Variants in TRPM2 observed in about 807,000 individuals in gnomAD.
The protein encoded by TRPM2 is estrogen-responsive element-associated gene 1 protein.
TRPM2 carries 161 observed loss-of-function variants against 174.0 expected under a neutral mutation model. The ratio of observed to expected loss-of-function variants is 0.93; its 90% CI spans 0.81 to 1.05. TRPM2 has a LOEUF of 1.05. Ranked by LOEUF, TRPM2 falls within the 50% of genes least tolerant of loss-of-function variation. The pLI is 0.00. For missense variants in TRPM2, 2,057 were observed against 2,038.0 expected (o/e 1.01, Z -0.18); for synonymous variants, 954 against 861.3 (o/e 1.11, Z -1.88).
At chr21:44,394,313 A>G (rs992230274) in intron 11 of TRPM2, among the ~76,000 whole-genome samples, 8 of 131,384 alleles carry the variant, frequency 6.1e-5, no homozygotes, top group Non-Finnish European at 1.3e-4. Context: ...AGAAAAACAC[A>G]TTTCTTTTTT....
Position 44,391,415 on chromosome 21 carries a change from C to T in TRPM2, c.1584C>T (p.Pro528=), listed in dbSNP as rs1275239562. The T allele has an allele frequency of 1.2e-6, 2 of 1,614,084 alleles. No individual in the cohort carries two copies. The highest frequency in any genetic ancestry group is 1.7e-6 in the Non-Finnish European group (2 of 1,180,048). Residue 528 remains proline (P), a synonymous_variant, in exon 11 of 32, where the codon CCC becomes CCT. Transcript: ENST00000397928. This position sits in a 1 kb window ranked among gnomAD's most constrained non-coding sequence, Gnocchi z 5.0. ...TCTACCTGTACGAGAACCTGGACCC[C>T]TCCTGCCTGTTCCACAGCAAGCTGC... The part of the protein sequence containing the change: ...TLLYLYENLD[P]SCLFHSKLQK...
chr21:44,419,466 G>C (rs1217626100), intron 22 of TRPM2, among the ~76,000 whole-genome samples: 2 of 139,728 alleles, frequency 1.4e-5, no homozygotes, highest in Non-Finnish European at 3.1e-5. Flanking sequence ...CTATAACCAG[G>C]GATCTGCTAA....
chr21:44,404,661 G>A (rs1235922912), intron 16 of TRPM2, among the ~76,000 whole-genome samples: 1 of 152,160 alleles, frequency 6.6e-6, no homozygotes, highest in Non-Finnish European at 1.5e-5. Context: ...CGGTGATAGT[G>A]ATGATAGTGA....
chr21:44,377,518 AG>A (rs2048741027), intron 6 of TRPM2, among the ~76,000 whole-genome samples, 193 bp from the exon 7 acceptor site: 1 of 152,236 alleles, frequency 6.6e-6, no homozygotes, highest in African/African-American at 2.4e-5. Context: ...CACTGGCAAG[AG>A]GCCTCCCAGC....
At chr21:44,431,879 T>C (rs2051036721) in intron 27 of TRPM2, among the ~76,000 whole-genome samples, 1 of 152,178 alleles carries the variant, frequency 6.6e-6, no homozygotes, top group African/African-American at 2.4e-5. Context: ...AATTGAAATG[T>C]CCTCCGTGGC....
Position 44,397,734 on chromosome 21 carries a change from C to A in TRPM2, c.1933-13C>A. On this transcript the variant is annotated splice_polypyrimidine_tract_variant and intron_variant, in intron 12 of 31. Coordinates refer to ENST00000397928, the MANE Select transcript of TRPM2 (RefSeq NM_003307.4). ...TGGCTCTTTAGTCTCACGGTGGCTC[C>A]TCTGGTCCCCAGAGCCAGGACTGCA... 1 of 1,562,588 alleles carries A rather than the reference C, an allele frequency of 6.4e-7. No homozygotes were observed. Among genetic ancestry groups the A allele is most frequent in the Non-Finnish European group, 8.7e-7 (1 of 1,153,404 alleles).
At position 44,439,271 on chromosome 21, in the gene TRPM2, C is replaced by A; in HGVS notation, c.4269+103C>A. 2 of 1,034,342 alleles carry A rather than the reference C, an allele frequency of 1.9e-6. No homozygotes were observed. Among genetic ancestry groups the A allele is most frequent in the Non-Finnish European group, 2.9e-6 (2 of 689,728 alleles). 64.1% of individuals were successfully genotyped at this position (1,034,342 alleles called of 1,614,324 possible). ...CTGCCCCAGCACCACTGGGTGGCAG[C>A]GGTCCCACCCAGCTTCACCAGGTGA... is the stretch of plus-strand genomic sequence containing the variant. On this transcript the variant is annotated intron_variant, in intron 30 of 31. Coordinates refer to ENST00000397928, the MANE Select transcript of TRPM2 (RefSeq NM_003307.4). This position sits in a 1 kb window ranked among gnomAD's most constrained non-coding sequence, Gnocchi z 5.1.
At chr21:44,397,687 G>C in intron 12 of TRPM2, 60 bp from the exon 13 acceptor site, 1 of 1,497,082 alleles carries the variant, frequency 6.7e-7, no homozygotes, top group Non-Finnish European at 8.9e-7. Context: ...AGTGTGTTGG[G>C]TTCCTCAGGC....
Position 44,399,456 on chromosome 21 carries a change from G to C in TRPM2, c.2208+15G>C, listed in dbSNP as rs369987446. 1.2e-6 allele frequency: 2 copies of C among 1,605,788 alleles called. No homozygotes were observed. Among genetic ancestry groups the C allele is most frequent in the Non-Finnish European group, 1.7e-6 (2 of 1,175,986 alleles). On this transcript the variant is annotated intron_variant, in intron 14 of 31. Coordinates refer to ENST00000397928, the MANE Select transcript of TRPM2 (RefSeq NM_003307.4). The surrounding 1 kb of genome is among the most constrained non-coding windows in gnomAD (Gnocchi z 4.6). ...GGGGCATCCAGGTGACCTCCCAAGA[G>C]CCCCTTCCAGAAACAGACGCCTGTG...
At chr21:44,412,771 G>A (rs924039011) in intron 19 of TRPM2, among the ~76,000 whole-genome samples, 3 of 151,714 alleles carry the variant, frequency 2.0e-5, no homozygotes, top group African/African-American at 4.8e-5. Flanking sequence ...GTGAAAGGGT[G>A]GTTTGCTCTT....
rs780713459 is a variant in TRPM2 at position 44,364,115 on chromosome 21, A to C, written c.256A>C (p.Lys86Gln). 6 of 1,613,396 alleles carry C rather than the reference A, an allele frequency of 3.7e-6. No individual in the cohort carries two copies. The highest frequency in any genetic ancestry group is 3.3e-4 in the Middle Eastern group (2 of 6,028). ...GTGACTGGTGCTGTGTCTTTGCAGGAAGGTGGTGTGTCAGTGTGGCTACAC... is the reference window on the plus strand; with the variant it reads ...GTGACTGGTGCTGTGTCTTTGCAGGCAGGTGGTGTGTCAGTGTGGCTACAC... ...VESSKLSDAG[K>Q]VVCQCGYTHE... The change falls in exon 3 of 32, where the codon AAG (lysine) becomes CAG (glutamine). Residue 86 changes from lysine to glutamine, a missense_variant and splice_region_variant. Coordinates refer to ENST00000397928, the MANE Select transcript of TRPM2 (RefSeq NM_003307.4).
chr21:44,363,260 C>G (rs535469485), intron 2 of TRPM2, among the ~76,000 whole-genome samples: 2 of 152,230 alleles, frequency 1.3e-5, no homozygotes, highest in East Asian at 3.9e-4. Context: ...GGATCACTGT[C>G]TTTTTCTTTT....
In TRPM2 at chr21:44,391,556, G is replaced by T. The variant is rs757150764; in HGVS notation, c.1725G>T (p.Pro575=). 1.9e-5 allele frequency: 30 copies of T among 1,597,542 alleles called. No individual in the cohort carries two copies. The highest frequency in any genetic ancestry group is 2.7e-5 in the African/African-American group (2 of 74,770). Residue 575 remains proline, a synonymous_variant, in exon 11 of 32, where the codon CCG becomes CCT. Coordinates refer to ENST00000397928, the MANE Select transcript of TRPM2 (RefSeq NM_003307.4). This position sits in a 1 kb window ranked among gnomAD's most constrained non-coding sequence, Gnocchi z 5.0. ...AGCTGCTGGGGGACTTCACGCAGCCGCTTTATCCCCGGCCCCGGCACAACG... is the reference window on the plus strand; with the variant it reads ...AGCTGCTGGGGGACTTCACGCAGCCTCTTTATCCCCGGCCCCGGCACAACG... ...LRELLGDFTQ[P]LYPRPRHNDR...
chr21:44,403,312 C>T (rs2049694178), intron 16 of TRPM2, among the ~76,000 whole-genome samples: 1 of 152,188 alleles, frequency 6.6e-6, no homozygotes, highest in Admixed American at 6.6e-5. Context: ...GGTGTGGGGA[C>T]TCCTGCCAAG....
chr21:44,359,625 C>A (rs777797525), intron 2 of TRPM2, among the ~76,000 whole-genome samples: 3 of 151,004 alleles, frequency 2.0e-5, no homozygotes, highest in Non-Finnish European at 2.9e-5. Flanking sequence ...CTTATTTGTC[C>A]CCGCCCATGT....
In TRPM2 at chr21:44,405,920, G is replaced by A. The variant is rs372523968; in HGVS notation, c.2673G>A (p.Thr891=). The change falls in exon 18 of 32, where the codon ACG becomes ACA. Residue 891 remains threonine, a synonymous_variant. Transcript: ENST00000397928. ...CGGCGGCCAGGCTCATCCCGGCGAC[G>A]CTGTACCCCGGGCGCGTCATCCTCT... ...AGLTCRLIPA[T]LYPGRVILSL... The A allele has an allele frequency of 2.8e-4, 453 of 1,604,418 alleles. No individual in the cohort carries two copies. Among genetic ancestry groups the A allele is most frequent in the Non-Finnish European group, 3.5e-4 (413 of 1,179,634 alleles).
chr21:44,357,543 G>A (rs898867236), intron 2 of TRPM2, among the ~76,000 whole-genome samples: 44 of 152,294 alleles, frequency 2.9e-4, no homozygotes, highest in African/African-American at 1.0e-3. Flanking sequence ...CTGTGCAGGC[G>A]CCATGCATGC....
chr21:44,350,936 T>C (rs2122996435), upstream of TRPM2, among the ~76,000 whole-genome samples: 2 of 151,926 alleles, frequency 1.3e-5, no homozygotes, highest in Middle Eastern at 3.2e-3. Context: ...ACTTCCTCCG[T>C]CCCCGCACCC....
intron 5 of TRPM2, among the ~76,000 whole-genome samples, chr21:44,371,061 C>T (rs1185781769): frequency 1.3e-5 from 2 of 152,262 alleles, no homozygotes; most frequent in South Asian, 4.1e-4. Context: ...CTTAGTCTAT[C>T]AGATCTGGAA....
Sources: allele counts gnomAD v4.1 joint callset (sites outside exome capture counted in the v4.1 genomes callset), GRCh38; gene constraint gnomAD v4.1.1; non-coding constraint Gnocchi (gnomAD v3.1); transcripts MANE v1.5; gene names NCBI Gene and HGNC (gene_info 2026-07-23, HGNC 2026-07-21).